The following NTM variants were observed in gnomAD, a reference collection of about 807,000 sequenced individuals.
NTM encodes the protein neurotrimin, also known as IgLON family member 2.
Under a neutral mutation model 42.1 loss-of-function variants are expected in NTM, and 13 were observed. That is an observed-to-expected ratio of 0.31 (90% confidence interval 0.20 to 0.49). The LOEUF (loss-of-function observed/expected upper bound fraction) is 0.49. Ranked by LOEUF, NTM falls within the 20% of genes least tolerant of loss-of-function variation. The pLI is 0.99. For missense variants in NTM, 373 were observed against 452.8 expected (o/e 0.82, Z 1.60); for synonymous variants, 187 against 179.2 (o/e 1.04, Z -0.35).
intron 1 of NTM, among the ~76,000 whole-genome samples, chr11:131,847,524 T>C (rs980010758): frequency 3.9e-5 from 6 of 152,048 alleles, no homozygotes; most frequent in Non-Finnish European, 8.8e-5. Context: ...AAGCTGTGGC[T>C]CATTTCAGGC....
chr11:131,598,732 TTTC>T (rs1565685347), intron 1 of NTM, among the ~76,000 whole-genome samples: 1 of 92,960 alleles, frequency 1.1e-5, no homozygotes, highest in African/African-American at 3.9e-5. Context: ...TCTTTCTTTC[TTTC>T]TTTCTTTCTT....
At chr11:131,528,687 C>T (rs2050832685) in intron 1 of NTM, among the ~76,000 whole-genome samples, 1 of 152,144 alleles carries the variant, frequency 6.6e-6, no homozygotes, top group African/African-American at 2.4e-5. Flanking sequence ...TATCTACCGC[C>T]TCCCACAGAT....
intron 2 of NTM, among the ~76,000 whole-genome samples, chr11:131,986,076 G>T (rs929442814): frequency 7.9e-5 from 12 of 152,172 alleles, no homozygotes; most frequent in Admixed American, 7.9e-4. Flanking sequence ...ATTGAACTAT[G>T]CTGGATCTCT....
intron 1 of NTM, among the ~76,000 whole-genome samples, chr11:131,711,659 C>G (rs2077147732): frequency 6.6e-6 from 1 of 152,018 alleles, no homozygotes; most frequent in Admixed American, 6.6e-5. Context: ...ATAAATCATG[C>G]TGCTATAAAG....
chr11:132,313,839 G>A (rs1187863029), intron 6 of NTM, among the ~76,000 whole-genome samples: 2 of 152,074 alleles, frequency 1.3e-5, no homozygotes, highest in East Asian at 3.9e-4. Flanking sequence ...GTGGCTTACT[G>A]GGCTGCCATT....
intron 1 of NTM, among the ~76,000 whole-genome samples, chr11:131,724,480 T>C (rs2078726346): frequency 1.3e-5 from 2 of 152,170 alleles, no homozygotes; most frequent in South Asian, 2.1e-4. Context: ...GAACACAATG[T>C]GGTTTTATTA....
At chr11:131,505,883 C>T (rs376935230) in intron 1 of NTM, among the ~76,000 whole-genome samples, 4 of 152,146 alleles carry the variant, frequency 2.6e-5, no homozygotes, top group Non-Finnish European at 5.9e-5. Flanking sequence ...GTTACTTCAC[C>T]TCTCTGGGCC....
intron 1 of NTM, among the ~76,000 whole-genome samples, chr11:131,893,391 G>A (rs1441278766): frequency 5.3e-5 from 8 of 152,138 alleles, no homozygotes; most frequent in African/African-American, 9.7e-5. Flanking sequence ...GCTAATGAGG[G>A]GGTGTTGTGT....
chr11:131,668,021 G>C (rs2069392177), intron 1 of NTM, among the ~76,000 whole-genome samples: 3 of 152,220 alleles, frequency 2.0e-5, no homozygotes, highest in Non-Finnish European at 2.9e-5. Flanking sequence ...ATAATGATGA[G>C]AGATAGCTTT....
chr11:131,669,434 T>G (rs977950994), intron 1 of NTM, among the ~76,000 whole-genome samples: 1 of 152,180 alleles, frequency 6.6e-6, no homozygotes, highest in African/African-American at 2.4e-5. Flanking sequence ...GGTGTGCATG[T>G]GAGATACTTA....
At chr11:131,610,502 TAGA>T (rs1293722608) in intron 1 of NTM, among the ~76,000 whole-genome samples, 1 of 152,198 alleles carries the variant, frequency 6.6e-6, no homozygotes, top group African/African-American at 2.4e-5. Context: ...CAGTTTCATT[TAGA>T]AGAAGACTGT....
At chr11:132,116,437 G>A (rs2063907223) in intron 2 of NTM, among the ~76,000 whole-genome samples, 1 of 152,186 alleles carries the variant, frequency 6.6e-6, no homozygotes, top group African/African-American at 2.4e-5. Flanking sequence ...GAGGAAGCCT[G>A]GGAATTATAG....
At chr11:131,843,121 A>G (rs564354754) in intron 1 of NTM, among the ~76,000 whole-genome samples, 2 of 152,178 alleles carry the variant, frequency 1.3e-5, no homozygotes, top group Non-Finnish European at 2.9e-5. Flanking sequence ...GCTAGCTACC[A>G]ATTTTCCTCA....
chr11:131,402,683 A>G (rs1273919020), intron 1 of NTM, among the ~76,000 whole-genome samples: 1 of 152,220 alleles, frequency 6.6e-6, no homozygotes, highest in African/African-American at 2.4e-5. Context: ...GCTACTGTCT[A>G]AAAAGTAATT....
At position 131,664,753 on chromosome 11, in the gene NTM, G is replaced by GT. The variant is rs199824869; in HGVS notation, c.83-246785dup. Among the ~76,000 whole-genome samples, 749 of 112,796 alleles carry GT rather than the reference G, an allele frequency of 6.6e-3. 17 individuals carry two copies. Among genetic ancestry groups the GT allele is most frequent in the African/African-American group, 0.023 (680 of 29,808 alleles). The allele number at this position is 112,796 out of a possible 152,430, so 74.0% of individuals were successfully genotyped here. A position where few individuals can be genotyped will look rare whatever the true frequency, so the allele number is the denominator to read the frequency against. On this transcript the variant is annotated intron_variant, in intron 1 of 8. Coordinates refer to ENST00000683400, the MANE Select transcript of NTM (RefSeq NM_001352005.2). ...AAGGGGGCCACTGCTCTCTTCCATT[G>GT]TTTTTTTTTTTTTTTTTTTTTTTTT...
intron 1 of NTM, among the ~76,000 whole-genome samples, chr11:131,413,346 G>A (rs1024342356): frequency 2.6e-5 from 4 of 152,176 alleles, no homozygotes; most frequent in South Asian, 2.1e-4. Flanking sequence ...AAACAGGAGC[G>A]TGCTTCCTTT....
chr11:131,732,905 A>T (rs1017283841), intron 1 of NTM, among the ~76,000 whole-genome samples: 3 of 152,174 alleles, frequency 2.0e-5, no homozygotes, highest in Non-Finnish European at 4.4e-5. Flanking sequence ...TTGGTATAAT[A>T]GAATGTTTTA....
intron 1 of NTM, among the ~76,000 whole-genome samples, chr11:131,645,633 G>C (rs1026462050): frequency 6.6e-6 from 1 of 152,122 alleles, no homozygotes; most frequent in Non-Finnish European, 1.5e-5. Flanking sequence ...CATTCTTCTA[G>C]TTCTTACGCC....
At chr11:131,493,127 G>A (rs973371957) in intron 1 of NTM, among the ~76,000 whole-genome samples, 1 of 152,090 alleles carries the variant, frequency 6.6e-6, no homozygotes, top group Non-Finnish European at 1.5e-5. Context: ...CTGGGGCTGG[G>A]GTGGGGGTGC....
Sources: allele counts gnomAD v4.1 joint callset (sites outside exome capture counted in the v4.1 genomes callset), GRCh38; gene constraint gnomAD v4.1.1; transcripts MANE v1.5; gene names NCBI Gene and HGNC (gene_info 2026-07-23, HGNC 2026-07-21).